Variants in TTC39C observed in about 807,000 individuals in gnomAD.
TTC39C encodes tetratricopeptide repeat protein 39C.
In TTC39C, 33 loss-of-function variants were observed where a neutral mutation model predicts 76.3. The ratio of observed to expected loss-of-function variants is 0.43; its 90% CI spans 0.33 to 0.58. The LOEUF (loss-of-function observed/expected upper bound fraction) is 0.58. TTC39C is among the 20% of genes least tolerant of loss of function. The probability of loss-of-function intolerance (pLI) is 0.04; values close to 1 mark genes in which losing one functional copy is unlikely to be tolerated. For missense variants in TTC39C, 595 were observed against 701.4 expected, an observed-to-expected ratio of 0.85 and a Z score of 1.71; for synonymous variants, 254 against 260.6, an observed-to-expected ratio of 0.97 and a Z score of 0.24.
At chr18:24,047,536 A>G (rs1436189881) in intron 1 of TTC39C, among the ~76,000 whole-genome samples, 1 of 152,134 alleles carries the variant, frequency 6.6e-6, no homozygotes, top group Non-Finnish European at 1.5e-5. Context: ...AGACTATTGT[A>G]TAGTGTTTCT....
intron 7 of TTC39C, 76 bp from the exon 8 acceptor site, chr18:24,118,049 C>T: frequency 8.9e-7 from 1 of 1,126,026 alleles, no homozygotes; most frequent in Non-Finnish European, 1.3e-6. Flanking sequence ...ATCGCCATAT[C>T]AGAGGCTCGT....
At chr18:24,083,205 G>A (rs773146671) in intron 6 of TTC39C, 124 bp downstream of exon 6, 34 of 1,018,688 alleles carry the variant, frequency 3.3e-5, no homozygotes, top group South Asian at 1.8e-4. Flanking sequence ...TTGTTCTTTT[G>A]CCTTTCCTTG....
intron 2 of TTC39C, 35 bp from the exon 3 acceptor site, chr18:24,065,977 A>T (rs1304634512): frequency 6.6e-7 from 1 of 1,505,218 alleles, no homozygotes; most frequent in Non-Finnish European, 8.8e-7. Context: ...TCAGATACTA[A>T]TTCATTCATT....
chr18:24,066,056 T>C lies in TTC39C; in HGVS notation c.261T>C (p.Cys87=). 6.2e-7 allele frequency: 1 copy of C among 1,600,366 alleles called. No homozygotes were observed. ...AGGAAGAAAAAATGCAGTTGGCATG[T>C]GATGACTTAAAAACCACAGAAAAAC... ...TFEEEKMQLA[C]DDLKTTEKLC... Residue 87 remains cysteine (C), a synonymous_variant, in exon 3 of 14, where the codon TGT becomes TGC. Transcript: ENST00000317571.
chr18:23,997,931 C>T (rs565416438), intron 1 of TTC39C, among the ~76,000 whole-genome samples: 2 of 151,810 alleles, frequency 1.3e-5, no homozygotes, highest in African/African-American at 4.8e-5. Context: ...TGCCTTGAGC[C>T]AATTTGGGGC....
In TTC39C at chr18:24,060,131, CTT is replaced by C. The variant is rs377701471; in HGVS notation, c.168-4007_168-4006del. On this transcript the variant is annotated intron_variant, in intron 1 of 13. Transcript: ENST00000317571. ...TCAAATAGTATTTCTGCCTCTAGGT[CTT>C]TGAGGAATTGCCACACTGTCTTCCA... 2.0e-3 allele frequency among the ~76,000 whole-genome samples: 308 copies of C among 152,236 alleles called. 3 individuals carry two copies. Among genetic ancestry groups the C allele is most frequent in the African/African-American group, 6.9e-3 (287 of 41,548 alleles).
At chr18:24,042,170 G>T (rs2083801910) in intron 1 of TTC39C, among the ~76,000 whole-genome samples, 1 of 152,140 alleles carries the variant, frequency 6.6e-6, no homozygotes, top group Admixed American at 6.5e-5. Flanking sequence ...ATAAATATAT[G>T]ATATACTTAG....
At chr18:24,049,855 T>C (rs1470810718) in intron 1 of TTC39C, among the ~76,000 whole-genome samples, 1 of 152,264 alleles carries the variant, frequency 6.6e-6, no homozygotes, top group Non-Finnish European at 1.5e-5. Flanking sequence ...CCTATTGTTA[T>C]CTGAAGACAA....
chr18:24,016,210 C>A (rs1285751267), intron 1 of TTC39C, among the ~76,000 whole-genome samples: 3 of 151,514 alleles, frequency 2.0e-5, no homozygotes, highest in African/African-American at 2.4e-5. Flanking sequence ...GTGATTTTTT[C>A]CCCCCTTTGG....
rs570454814 is a variant in TTC39C at position 24,131,937 on chromosome 18, T to C, written c.1662+17T>C. On this transcript the variant is annotated intron_variant, in intron 13 of 13. Transcript: ENST00000317571. The stretch of plus-strand genomic sequence containing the variant: ...CAAGCAAAGGTAAATATCCTGAATC[T>C]ACCTTTCTCCAGTGGCCCTTCTTAT... 6.2e-7 allele frequency: 1 copy of C among 1,612,336 alleles called. No individual in the cohort carries two copies. Among genetic ancestry groups the C allele is most frequent in the African/African-American group, 1.3e-5 (1 of 74,946 alleles).
At chr18:24,039,265 G>A (rs947219366) in intron 1 of TTC39C, among the ~76,000 whole-genome samples, 1 of 152,220 alleles carries the variant, frequency 6.6e-6, no homozygotes, top group African/African-American at 2.4e-5. Flanking sequence ...CAGAGGAGGT[G>A]CCTTGAGAAT....
At chr18:23,995,891 G>A (rs1317670695) in intron 1 of TTC39C, among the ~76,000 whole-genome samples, 1 of 152,218 alleles carries the variant, frequency 6.6e-6, no homozygotes, top group African/African-American at 2.4e-5. Flanking sequence ...AAAAGTTTTT[G>A]TGTGGGAACA....
chr18:24,021,699 T>G (rs973295633), intron 1 of TTC39C, among the ~76,000 whole-genome samples: 44 of 152,184 alleles, frequency 2.9e-4, no homozygotes, highest in African/African-American at 9.2e-4. Context: ...GTTGGTGGTT[T>G]GCACCACCCT....
intron 1 of TTC39C, among the ~76,000 whole-genome samples, chr18:24,005,277 T>G (rs1206666234): frequency 6.6e-6 from 1 of 152,206 alleles, no homozygotes; most frequent in Non-Finnish European, 1.5e-5. Flanking sequence ...ACTTTGAGAA[T>G]TAAATGGAAC....
intron 13 of TTC39C, 88 bp from the exon 14 acceptor site, chr18:24,132,397 A>T: frequency 1.7e-6 from 2 of 1,145,554 alleles, no homozygotes; most frequent in Non-Finnish European, 1.2e-6. Context: ...TTACTTTGGG[A>T]AATGCAAAAT....
At chr18:24,120,746 A>G (rs1404878209) in intron 8 of TTC39C, among the ~76,000 whole-genome samples, 2 of 152,114 alleles carry the variant, frequency 1.3e-5, no homozygotes, top group Non-Finnish European at 2.9e-5. Context: ...TCCTGTCTCT[A>G]TGAATTTAAG....
chr18:24,132,062 C>T lies in TTC39C; in HGVS notation c.1662+142C>T, dbSNP rs181227911. ...AAGGAAAAATGACAACCAATTGAAT[C>T]AGTGAGCTCTTGAGTTTTAAGGGAC... is the stretch of plus-strand genomic sequence containing the variant. On this transcript the variant is annotated intron_variant, in intron 13 of 13. Transcript: ENST00000317571. The T allele has an allele frequency of 1.0e-3, 704 of 705,486 alleles. 3 individuals are homozygous for T. Among genetic ancestry groups the T allele is most frequent in the Non-Finnish European group, 1.4e-3 (612 of 442,134 alleles). 43.7% of individuals were successfully genotyped at this position (705,486 alleles called of 1,614,324 possible).
intron 12 of TTC39C, 115 bp from the exon 13 acceptor site, chr18:24,131,767 A>G: frequency 2.5e-6 from 2 of 787,462 alleles, no homozygotes; most frequent in South Asian, 1.8e-5. Context: ...TGAACAGTTG[A>G]CTCATTGCTA....
chr18:24,106,190 A>G (rs12955989), intron 6 of TTC39C, among the ~76,000 whole-genome samples: 22,302 of 152,148 alleles, frequency 0.15, 2,048 homozygotes, highest in Non-Finnish European at 0.18. Flanking sequence ...ACACAATTCA[A>G]TCCATAATGG....
Sources: gnomAD v4.1 joint callset for allele counts (sites outside exome capture counted in the v4.1 genomes callset) on GRCh38, gnomAD v4.1.1 for gene constraint, MANE v1.5 for transcripts, NCBI Gene and HGNC (gene_info 2026-07-23, HGNC 2026-07-21) for gene names.